The following EDIL3 variants were observed in gnomAD, a reference collection of about 807,000 sequenced individuals.
EDIL3 encodes the protein EGF-like repeat and discoidin I-like domain-containing protein 3.
EDIL3 carries 37 observed loss-of-function variants against 67.4 expected under a neutral mutation model. The observed-to-expected ratio is 0.55, with a 90% confidence interval of 0.42 to 0.72. EDIL3 has a LOEUF of 0.72. Among genes scored for constraint, EDIL3 ranks in the 30% least tolerant of loss-of-function variants. The probability of loss-of-function intolerance (pLI) is 0.00; values close to 1 mark genes in which losing one functional copy is unlikely to be tolerated. For missense variants in EDIL3, 527 were observed against 586.3 expected (o/e 0.90, Z 1.04); for synonymous variants, 195 against 196.3 (o/e 0.99, Z 0.05).
At chr5:84,327,232 C>G (rs1169207396) in intron 1 of EDIL3, among the ~76,000 whole-genome samples, 2 of 151,892 alleles carry the variant, frequency 1.3e-5, no homozygotes, top group African/African-American at 2.4e-5. Context: ...TCCTTACTAA[C>G]CAAAACTTTG....
At chr5:84,140,257 G>C (rs1748166530) in intron 4 of EDIL3, among the ~76,000 whole-genome samples, 1 of 152,082 alleles carries the variant, frequency 6.6e-6, no homozygotes, top group African/African-American at 2.4e-5. Flanking sequence ...CTCATTTTAA[G>C]ATTGAAATAT....
chr5:84,010,044 A>G (rs1376766568), intron 9 of EDIL3, among the ~76,000 whole-genome samples: 1 of 152,216 alleles, frequency 6.6e-6, no homozygotes, highest in East Asian at 1.9e-4. Context: ...TATGCAAGTC[A>G]CACAGCTAGC....
intron 4 of EDIL3, among the ~76,000 whole-genome samples, chr5:84,146,710 C>T (rs1748294951): frequency 6.6e-6 from 1 of 151,988 alleles, no homozygotes. Flanking sequence ...ATTTCCTTGC[C>T]TCCTACAGTC....
intron 1 of EDIL3, among the ~76,000 whole-genome samples, chr5:84,278,272 G>A (rs1416428950): frequency 6.6e-6 from 1 of 152,158 alleles, no homozygotes; most frequent in Non-Finnish European, 1.5e-5. Flanking sequence ...GTGTTTCACT[G>A]TATATTTCAT....
At chr5:84,217,178 G>C (rs911459510) in intron 3 of EDIL3, among the ~76,000 whole-genome samples, 1 of 151,136 alleles carries the variant, frequency 6.6e-6, no homozygotes, top group Non-Finnish European at 1.5e-5. Context: ...AAATGGAGAT[G>C]GTCTTAAAGA....
intron 6 of EDIL3, among the ~76,000 whole-genome samples, chr5:84,090,789 T>C (rs902037118): frequency 6.7e-6 from 1 of 150,088 alleles, no homozygotes; most frequent in Non-Finnish European, 1.5e-5. Context: ...CTACTGAAAA[T>C]ACAAAAAAAA....
chr5:84,050,556 T>C (rs1026615528), intron 9 of EDIL3, among the ~76,000 whole-genome samples: 5 of 152,204 alleles, frequency 3.3e-5, no homozygotes, highest in Non-Finnish European at 4.4e-5. Flanking sequence ...GGGAATTCCC[T>C]TTCATAGCCA....
At chr5:84,062,574 C>T (rs1289654052) in intron 8 of EDIL3, among the ~76,000 whole-genome samples, 11 of 152,052 alleles carry the variant, frequency 7.2e-5, no homozygotes, top group Admixed American at 7.2e-4. Flanking sequence ...GAGTATTCCT[C>T]CTCTAATTAG....
At chr5:84,214,405 C>T (rs753732605) in intron 3 of EDIL3, among the ~76,000 whole-genome samples, 7 of 151,902 alleles carry the variant, frequency 4.6e-5, no homozygotes, top group Non-Finnish European at 8.8e-5. Context: ...ACCCCCGCCC[C>T]CCGCCACTTT....
chr5:84,377,514 C>A (rs1178339938), intron 1 of EDIL3, among the ~76,000 whole-genome samples: 1 of 152,074 alleles, frequency 6.6e-6, no homozygotes, highest in African/African-American at 2.4e-5. Flanking sequence ...CTCAAATAAT[C>A]CCCAGAATCA....
rs67762520 is a variant in EDIL3 at position 84,037,988 on chromosome 5, G to GTTTTTTTTTTTTTTT, written c.1137+22297_1137+22311dup. On this transcript the variant is annotated intron_variant, in intron 9 of 10. Transcript: ENST00000296591. ...TTCTCTTTTCTTTTCTTTCTTTCTT[G>GTTTTTTTTTTTTTTT]TTTTTTTTTTTTTTTTTTTTTTTGA... 3.0e-5 allele frequency among the ~76,000 whole-genome samples: 3 copies of GTTTTTTTTTTTTTTT among 99,748 alleles called. 1 individual carries two copies. The highest frequency in any genetic ancestry group is 9.0e-5 in the African/African-American group (2 of 22,184). 65.4% of individuals were successfully genotyped at this position (99,748 alleles called of 152,430 possible).
intron 3 of EDIL3, among the ~76,000 whole-genome samples, chr5:84,224,804 G>A (rs1334112384): frequency 1.3e-5 from 2 of 151,392 alleles, no homozygotes; most frequent in Admixed American, 6.6e-5. Flanking sequence ...CCCATAAGCA[G>A]ATTCAGAAGG....
chr5:84,055,224 A>G (rs1158396411), intron 9 of EDIL3, among the ~76,000 whole-genome samples: 1 of 146,686 alleles, frequency 6.8e-6, no homozygotes, highest in African/African-American at 2.7e-5. Flanking sequence ...TTCCCTGTTT[A>G]ACAAATGGTG....
chr5:84,286,203 G>A (rs1037532692), intron 1 of EDIL3, among the ~76,000 whole-genome samples: 1 of 152,096 alleles, frequency 6.6e-6, no homozygotes, highest in Non-Finnish European at 1.5e-5. Context: ...TTTTTTAAAT[G>A]TTTTAATTTT....
At chr5:84,245,548 A>G in intron 2 of EDIL3, among the ~76,000 whole-genome samples, 1 of 152,188 alleles carries the variant, frequency 6.6e-6, no homozygotes, top group East Asian at 1.9e-4. Flanking sequence ...AATAGGTATA[A>G]TTTCCTAGAA....
chr5:84,155,763 T>G (rs559394025), intron 4 of EDIL3, among the ~76,000 whole-genome samples: 19 of 152,330 alleles, frequency 1.2e-4, no homozygotes, highest in Non-Finnish European at 2.6e-4. Context: ...GTATATCATA[T>G]TTTCTTTATG....
At chr5:84,293,983 T>C (rs114328940) in intron 1 of EDIL3, among the ~76,000 whole-genome samples, 1,545 of 152,082 alleles carry the variant, frequency 0.01, 46 homozygotes, top group African/African-American at 0.036. Context: ...CAAATGTTTA[T>C]ATAAAATACA....
At chr5:83,988,691 C>T (rs1007030103) in intron 9 of EDIL3, among the ~76,000 whole-genome samples, 1 of 152,158 alleles carries the variant, frequency 6.6e-6, no homozygotes. Flanking sequence ...CAAATGAGAG[C>T]GGTATGAAAA....
At chr5:84,252,065 C>T (rs1032132031) in intron 2 of EDIL3, among the ~76,000 whole-genome samples, 17 of 152,168 alleles carry the variant, frequency 1.1e-4, no homozygotes, top group African/African-American at 4.1e-4. Context: ...CAAAGTCACA[C>T]TGAACTAGGT....
Sources: allele counts gnomAD v4.1 joint callset (sites outside exome capture counted in the v4.1 genomes callset), GRCh38; gene constraint gnomAD v4.1.1; transcripts MANE v1.5; gene names NCBI Gene and HGNC (gene_info 2026-07-23, HGNC 2026-07-21).